ATAD3B: variants seen among roughly 807,000 people sequenced by gnomAD.
ATAD3B encodes the protein ATPase family AAA domain containing 3B, also known as ATPase family AAA domain-containing protein 3B.
In ATAD3B, 59 loss-of-function variants were observed where a neutral mutation model predicts 70.2. The ratio of observed to expected loss-of-function variants is 0.84; its 90% CI spans 0.68 to 1.04. The LOEUF (loss-of-function observed/expected upper bound fraction) is 1.04, where lower values mean the gene tolerates loss of function less well. ATAD3B is among the 50% of genes least tolerant of loss of function. The probability of loss-of-function intolerance (pLI) is 0.00; values close to 1 mark genes in which losing one functional copy is unlikely to be tolerated. For synonymous variants in ATAD3B, 423 were observed against 388.6 expected (o/e 1.09, Z -1.04); for missense variants, 961 against 913.4 (o/e 1.05, Z -0.67).
At chr1:1,487,676 A>C (rs550703705) in intron 11 of ATAD3B, among the ~76,000 whole-genome samples, 187 bp from the exon 12 acceptor site, 16 of 151,848 alleles carry the variant, frequency 1.1e-4, no homozygotes, top group African/African-American at 3.4e-4. Context: ...TGAGGCTGAG[A>C]CGTGGTCAGC....
chr1:1,486,469 C>A (rs1570249291), intron 10 of ATAD3B, 75 bp from the exon 11 acceptor site: 3 of 1,611,064 alleles, frequency 1.9e-6, no homozygotes, highest in Non-Finnish European at 2.5e-6. Flanking sequence ...GGGCTCCACA[C>A]TCCAGGTGGA....
At chr1:1,482,720 C>T in intron 7 of ATAD3B, 106 bp downstream of exon 7, 1 of 1,563,538 alleles carries the variant, frequency 6.4e-7, no homozygotes, top group Non-Finnish European at 8.8e-7. Flanking sequence ...AGCCCTGTAG[C>T]TCTCCCAGCA....
At chr1:1,482,414 C>T (rs1639966098) in intron 6 of ATAD3B, 111 bp downstream of exon 6, 3 of 1,584,670 alleles carry the variant, frequency 1.9e-6, no homozygotes, top group Non-Finnish European at 2.6e-6. Flanking sequence ...AGGCTGACTC[C>T]TTGGTGGGGG....
At chr1:1,502,851 A>G in the ATAD3B span, among the ~76,000 whole-genome samples, 1 of 151,210 alleles carries the variant, frequency 6.6e-6, no homozygotes, top group East Asian at 1.9e-4. Flanking sequence ...TTTGTTGAAA[A>G]CCTTGCGAGT....
At chr1:1,484,113 ACT>A (rs1421021393) in intron 7 of ATAD3B, 2 of 151,876 alleles carry the variant, frequency 1.3e-5, no homozygotes, top group African/African-American at 4.8e-5. Context: ...TGAACTTCAA[ACT>A]CTCAGGGTTT....
At chr1:1,489,706 C>T (rs1485152903) in intron 13 of ATAD3B, 1 of 1,313,366 alleles carries the variant, frequency 7.6e-7, no homozygotes, top group Non-Finnish European at 1.0e-6. Flanking sequence ...AGTCACGTGT[C>T]ACACGGAGGA....
Position 1,495,696 on chromosome 1 carries a change from G to T in ATAD3B, c.1826G>T (p.Gly609Val), listed in dbSNP as rs775129691. The change falls in exon 16 of 16, where the codon GGC (glycine) becomes GTC (valine). Residue 609 changes from glycine (G) to valine (V), a missense_variant. Gly to Val is a moderately radical substitution (Grantham distance 109, BLOSUM62 -3). Around this residue, in one of 4 missense-constraint regions of ATAD3B, gnomAD observed 417 missense variants for 335.0 expected, o/e 1.24. Coordinates refer to ENST00000673477, the MANE Select transcript of ATAD3B (RefSeq NM_031921.6). ...GACCCCTCCTACCCCTGCCTTGCCG[G>T]CCCCTGCACATTTAGGATATGCTCC... ...ATDPSYPCLA[G>V]PCTFRICSWM... 1.4e-5 allele frequency: 23 copies of T among 1,613,178 alleles called. No homozygotes were observed. Among genetic ancestry groups the T allele is most frequent in the Non-Finnish European group, 1.7e-5 (20 of 1,179,466 alleles).
At chr1:1,495,162 G>T (rs879535968) in intron 15 of ATAD3B, among the ~76,000 whole-genome samples, 1 of 151,974 alleles carries the variant, frequency 6.6e-6, no homozygotes, top group East Asian at 1.9e-4. Flanking sequence ...GCTGAGACTC[G>T]CAGAGGGTCT....
intron 11 of ATAD3B, among the ~76,000 whole-genome samples, chr1:1,487,169 C>T (rs1640263395): frequency 6.6e-6 from 1 of 152,096 alleles, no homozygotes; most frequent in Non-Finnish European, 1.5e-5. Flanking sequence ...GCACCCTCCC[C>T]TCTGGCCTTT....
rs762590629 is a variant in ATAD3B, at chr1:1,485,134, G to A, written c.869G>A (p.Arg290His). ...CCGTCCCTAGTGAGGGAGACGTCCCGCATCACGGTGCTGGAGGCGCTGCGG... is the reference window on the plus strand; with the variant it reads ...CCGTCCCTAGTGAGGGAGACGTCCCACATCACGGTGCTGGAGGCGCTGCGG... Reference protein sequence around the residue: ...GKPSLVRETSRITVLEALRHP... With the variant: ...GKPSLVRETSHITVLEALRHP... The change falls in exon 8 of 16, where the codon CGC (arginine) becomes CAC (histidine). Residue 290 changes from arginine to histidine, a missense_variant. Physicochemically the swap from Arg to His is conservative, Grantham distance 29. Around this residue, in one of 4 missense-constraint regions of ATAD3B, gnomAD observed 349 missense variants for 307.5 expected, o/e 1.14. Coordinates refer to ENST00000673477, the MANE Select transcript of ATAD3B (RefSeq NM_031921.6). 9.9e-6 allele frequency: 16 copies of A among 1,610,294 alleles called. No homozygotes were observed. The highest frequency in any genetic ancestry group is 5.3e-5 in the African/African-American group (4 of 74,840).
In ATAD3B at chr1:1,471,843, G is replaced by T. The variant is rs767844325; in HGVS notation, c.-42G>T. The T allele has an allele frequency of 1.6e-6, 2 of 1,266,340 alleles. No individual in the cohort carries two copies. The highest frequency in any genetic ancestry group is 1.5e-5 in the African/African-American group (1 of 64,756). 78.4% of individuals were successfully genotyped at this position (1,266,340 alleles called of 1,614,324 possible). A position where few individuals can be genotyped will look rare whatever the true frequency, so the allele number is the denominator to read the frequency against. ...CCCAGCCGCGCCCGAGTCAGACTCGGGTGGGGGTCCCGGCGGCGGTAGCGG... is the reference window on the plus strand; with the variant it reads ...CCCAGCCGCGCCCGAGTCAGACTCGTGTGGGGGTCCCGGCGGCGGTAGCGG... On this transcript the variant is annotated 5_prime_UTR_variant, in exon 1 of 16. Coordinates refer to ENST00000673477, the MANE Select transcript of ATAD3B (RefSeq NM_031921.6).
chr1:1,479,398 A>C (rs545964143), intron 4 of ATAD3B, among the ~76,000 whole-genome samples: 1 of 140,658 alleles, frequency 7.1e-6, no homozygotes, highest in Non-Finnish European at 1.5e-5. Context: ...ACACATGGGC[A>C]CACACACACC....
At chr1:1,504,425 G>A in the ATAD3B span, among the ~76,000 whole-genome samples, 3 of 151,936 alleles carry the variant, frequency 2.0e-5, no homozygotes, top group African/African-American at 4.8e-5. Flanking sequence ...CGAGGTGGGC[G>A]AATCATCTGA....
intron 4 of ATAD3B, among the ~76,000 whole-genome samples, chr1:1,479,845 C>A (rs1163260072): frequency 6.9e-6 from 1 of 144,602 alleles, no homozygotes; most frequent in Non-Finnish European, 1.5e-5. Context: ...CAGGCACACA[C>A]CGCCCCGCAC....
At chr1:1,474,109 T>A (rs781627745) in intron 1 of ATAD3B, among the ~76,000 whole-genome samples, 1 of 152,050 alleles carries the variant, frequency 6.6e-6, no homozygotes, top group Non-Finnish European at 1.5e-5. Flanking sequence ...GGCCTTGACC[T>A]CCTGGGTAAA....
intron 11 of ATAD3B, among the ~76,000 whole-genome samples, chr1:1,487,544 C>G (rs534729515): frequency 2.0e-5 from 3 of 151,368 alleles, no homozygotes; most frequent in African/African-American, 7.3e-5. Context: ...TGCACTGGGT[C>G]GCTGTGTGGG....
At chr1:1,489,396 T>A (rs1169290236) in intron 13 of ATAD3B, 122 bp downstream of exon 13, 7 of 1,523,464 alleles carry the variant, frequency 4.6e-6, no homozygotes, top group Non-Finnish European at 6.3e-6. Context: ...TGTGCCCACC[T>A]CAGATGTCCC....
At position 1,496,312 on chromosome 1, in the gene ATAD3B, T is replaced by C; in HGVS notation, c.*495T>C. On this transcript the variant is annotated 3_prime_UTR_variant, in exon 16 of 16. Transcript: ENST00000673477. Reference sequence around the variant, plus strand: ...GCAGAGGCTGGAGCTTTCTGGAGAATTTACTGATCACAGAGCGGTGTGCTT... The same window carrying C: ...GCAGAGGCTGGAGCTTTCTGGAGAACTTACTGATCACAGAGCGGTGTGCTT... 8.9e-6 allele frequency: 8 copies of C among 901,154 alleles called. No homozygotes were observed. Among genetic ancestry groups the C allele is most frequent in the Non-Finnish European group, 9.3e-6 (7 of 752,186 alleles). The allele number at this position is 901,154 out of a possible 1,614,324, so 55.8% of individuals were successfully genotyped here.
Position 1,496,392 on chromosome 1 carries a change from C to T in ATAD3B, c.*575C>T, listed in dbSNP as rs1222052709. The T allele has an allele frequency of 1.8e-5, 6 of 331,394 alleles. No individual in the cohort carries two copies. Among genetic ancestry groups the T allele is most frequent in the African/African-American group, 2.2e-5 (1 of 44,712 alleles). The allele number at this position is 331,394 out of a possible 1,614,324, so 20.5% of individuals were successfully genotyped here. A position where few individuals can be genotyped will look rare whatever the true frequency, so the allele number is the denominator to read the frequency against. ...GGGTCTGAATGCTGCCCGGGACTGCCGCCTGCGCCCCACCAGCCCCTCCCT... is the reference window on the plus strand; with the variant it reads ...GGGTCTGAATGCTGCCCGGGACTGCTGCCTGCGCCCCACCAGCCCCTCCCT... On this transcript the variant is annotated 3_prime_UTR_variant, in exon 16 of 16. Coordinates refer to ENST00000673477, the MANE Select transcript of ATAD3B (RefSeq NM_031921.6).
Sources: gnomAD v4.1 joint callset for allele counts (sites outside exome capture counted in the v4.1 genomes callset) on GRCh38, gnomAD v4.1.1 for gene constraint, gnomAD v4.1.1 regional missense constraint, MANE v1.5 for transcripts, NCBI Gene and HGNC (gene_info 2026-07-23, HGNC 2026-07-21) for gene names.